Variants in TRPC6 observed in about 807,000 individuals in gnomAD.
The protein encoded by TRPC6 is short transient receptor potential channel 6.
Under a neutral mutation model 90.7 loss-of-function variants are expected in TRPC6, and 55 were observed. The ratio of observed to expected loss-of-function variants is 0.61; its 90% confidence interval spans 0.49 to 0.76. The LOEUF is 0.76. Ranked by LOEUF, TRPC6 falls within the 30% of genes least tolerant of loss-of-function variation. The probability of loss-of-function intolerance (pLI) is 0.00; values close to 1 mark genes in which losing one functional copy is unlikely to be tolerated. For synonymous variants in TRPC6, 393 were observed against 393.0 expected, an observed-to-expected ratio of 1.00 and a Z score of 0.00; for missense variants, 989 against 1,122.7, an observed-to-expected ratio of 0.88 and a Z score of 1.70.
chr11:101,474,464 G>A (rs1243318533), intron 6 of TRPC6, among the ~76,000 whole-genome samples: 1 of 151,992 alleles, frequency 6.6e-6, no homozygotes, highest in Admixed American at 6.6e-5. Context: ...GTAAGAAAGG[G>A]GAAAAACATA....
intron 10 of TRPC6, among the ~76,000 whole-genome samples, chr11:101,465,709 T>C (rs1859129065): frequency 6.6e-6 from 1 of 152,174 alleles, no homozygotes; most frequent in Non-Finnish European, 1.5e-5. Flanking sequence ...TCAAGGTTCT[T>C]AGTTTTTTCG....
chr11:101,458,501 T>C (rs965031513), intron 10 of TRPC6, among the ~76,000 whole-genome samples: 3 of 152,228 alleles, frequency 2.0e-5, no homozygotes, highest in Non-Finnish European at 2.9e-5. Flanking sequence ...ACACATGTAA[T>C]AGACTATGGA....
At chr11:101,512,395 A>G (rs940873651) in intron 1 of TRPC6, among the ~76,000 whole-genome samples, 1 of 152,184 alleles carries the variant, frequency 6.6e-6, no homozygotes, top group African/African-American at 2.4e-5. Flanking sequence ...TTTCATTTGT[A>G]TCATCAATTG....
At position 101,583,734 on chromosome 11, in the gene TRPC6, G is replaced by A. The variant is rs1040820408; in HGVS notation, c.-231C>T. ...GGGTGCAAAGAGGATCTTGACCTGAGCAGGTCAGGCCGAGGAGACCCCGCG... is the reference window on the plus strand; with the variant it reads ...GGGTGCAAAGAGGATCTTGACCTGAACAGGTCAGGCCGAGGAGACCCCGCG... On this transcript the variant is annotated 5_prime_UTR_variant, in exon 1 of 13. Transcript: ENST00000344327. 2 of 443,498 alleles carry A rather than the reference G, an allele frequency of 4.5e-6. No individual in the cohort carries two copies. Among genetic ancestry groups the A allele is most frequent in the Admixed American group, 4.3e-5 (1 of 23,298 alleles). The allele number at this position is 443,498 out of a possible 1,614,324, so 27.5% of individuals were successfully genotyped here.
intron 1 of TRPC6, among the ~76,000 whole-genome samples, chr11:101,576,586 A>G (rs889353227): frequency 6.6e-6 from 1 of 152,218 alleles, no homozygotes; most frequent in South Asian, 2.1e-4. Flanking sequence ...TTCTGCATGT[A>G]TTGAAAGCCA....
At chr11:101,562,274 G>A (rs1437947933) in intron 1 of TRPC6, among the ~76,000 whole-genome samples, 2 of 152,058 alleles carry the variant, frequency 1.3e-5, no homozygotes, top group Non-Finnish European at 2.9e-5. Context: ...AGAAACTAGG[G>A]GAAATAACTC....
At chr11:101,516,204 G>C (rs1389589280) in intron 1 of TRPC6, among the ~76,000 whole-genome samples, 1 of 151,576 alleles carries the variant, frequency 6.6e-6, no homozygotes, top group African/African-American at 2.4e-5. Flanking sequence ...TGAACTGATT[G>C]ATACATAGAA....
intron 9 of TRPC6, among the ~76,000 whole-genome samples, chr11:101,470,811 C>A (rs1216999501): frequency 1.7e-4 from 9 of 51,932 alleles, no homozygotes; most frequent in East Asian, 4.3e-4. Flanking sequence ...TGCCCCGCCC[C>A]CCCCCCCTCC....
At chr11:101,478,167 T>TCTCTA (rs1340420616) in intron 5 of TRPC6, among the ~76,000 whole-genome samples, 8 of 152,222 alleles carry the variant, frequency 5.3e-5, no homozygotes, top group Non-Finnish European at 2.9e-5. Context: ...AAATGCCCCG[T>TCTCTA]CTCTAATTTC....
intron 10 of TRPC6, 52 bp from the exon 11 acceptor site, chr11:101,455,153 ATAAAG>A (rs751462912): frequency 3.5e-6 from 5 of 1,442,602 alleles, no homozygotes; most frequent in East Asian, 2.3e-5. Flanking sequence ...TTTCTTTTAA[ATAAAG>A]TAGTGAGATT....
intron 1 of TRPC6, among the ~76,000 whole-genome samples, chr11:101,566,629 C>T (rs2136876406): frequency 6.6e-6 from 1 of 152,224 alleles, no homozygotes; most frequent in South Asian, 2.1e-4. Flanking sequence ...TCTGCAGCTC[C>T]CAGCGAGATA....
rs1183011099 is a variant in TRPC6, at chr11:101,573,888, A to C, written c.170+9446T>G. On this transcript the variant is annotated intron_variant, in intron 1 of 12. Transcript: ENST00000344327. Reference sequence around the variant, plus strand: ...GTTTGAAAAAAATCCTGGGAACAGTAGTGAAGCTCCTTTCAAGCCTAAGAA... The same window carrying C: ...GTTTGAAAAAAATCCTGGGAACAGTCGTGAAGCTCCTTTCAAGCCTAAGAA... Among the ~76,000 whole-genome samples, 3 of 149,810 alleles carry C rather than the reference A, an allele frequency of 2.0e-5. No individual in the cohort carries two copies. In the East Asian group the frequency reaches 5.8e-4, roughly 29 times the overall value.
At chr11:101,567,507 G>C (rs527411836) in intron 1 of TRPC6, among the ~76,000 whole-genome samples, 2 of 152,326 alleles carry the variant, frequency 1.3e-5, no homozygotes, top group African/African-American at 2.4e-5. Flanking sequence ...CACAGTGTTC[G>C]AGCTCTGATA....
At chr11:101,455,220 G>C in intron 10 of TRPC6, 119 bp from the exon 11 acceptor site, 2 of 791,030 alleles carry the variant, frequency 2.5e-6, no homozygotes, top group South Asian at 3.1e-5. Flanking sequence ...TATATGTATA[G>C]TGCCATTTAT....
At chr11:101,519,381 C>T (rs1860599613) in intron 1 of TRPC6, among the ~76,000 whole-genome samples, 2 of 152,092 alleles carry the variant, frequency 1.3e-5, no homozygotes, top group South Asian at 2.1e-4. Flanking sequence ...AATAAAGCAA[C>T]CTCTAAGGAC....
intron 11 of TRPC6, 39 bp downstream of exon 11, chr11:101,454,979 C>T (rs950188563): frequency 2.0e-6 from 3 of 1,514,676 alleles, no homozygotes; most frequent in Admixed American, 1.7e-5. Flanking sequence ...CTAAATATTA[C>T]AAGTAACTAG....
In TRPC6 at chr11:101,583,544, A is replaced by G; in HGVS notation, c.-41T>C. 1 of 1,415,302 alleles carries G rather than the reference A, an allele frequency of 7.1e-7. No homozygotes were observed. Among genetic ancestry groups the G allele is most frequent in the African/African-American group, 1.5e-5 (1 of 66,440 alleles). The allele number at this position is 1,415,302 out of a possible 1,614,324, so 87.7% of individuals were successfully genotyped here. On this transcript the variant is annotated 5_prime_UTR_variant, in exon 1 of 13. Coordinates refer to ENST00000344327, the MANE Select transcript of TRPC6 (RefSeq NM_004621.6). The stretch of plus-strand genomic sequence containing the variant: ...CTGGCCTGGGCCCCGCTCCCGGGGG[A>G]GCCGAGTGGGCAGTTCCAGCGGGGA...
intron 1 of TRPC6, among the ~76,000 whole-genome samples, chr11:101,568,049 G>A (rs565109039): frequency 1.3e-5 from 2 of 152,282 alleles, no homozygotes; most frequent in South Asian, 4.1e-4. Flanking sequence ...GGCTTCAGAA[G>A]GTGGGTAATA....
At chr11:101,578,993 A>G (rs1862132916) in intron 1 of TRPC6, among the ~76,000 whole-genome samples, 1 of 152,062 alleles carries the variant, frequency 6.6e-6, no homozygotes, top group South Asian at 2.1e-4. Context: ...GTTTTACAAT[A>G]ATATTGGTAT....
Sources: gnomAD v4.1 joint callset for allele counts (sites outside exome capture counted in the v4.1 genomes callset) on GRCh38, gnomAD v4.1.1 for gene constraint, MANE v1.5 for transcripts, NCBI Gene and HGNC (gene_info 2026-07-23, HGNC 2026-07-21) for gene names.